The following GPC5 variants were observed in gnomAD, a reference collection of about 807,000 sequenced individuals.
GPC5 encodes glypican-5.
A neutral mutation model predicts 53.9 loss-of-function variants in GPC5; 47 were observed. The observed-to-expected ratio is 0.87, with a 90% CI of 0.69 to 1.11. GPC5 has a LOEUF of 1.11. GPC5 is among the 50% of genes most tolerant of loss of function. GPC5 has a pLI of 0.00. For synonymous variants in GPC5, 286 were observed against 263.3 expected, an observed-to-expected ratio of 1.09 and a Z score of -0.84; for missense variants, 748 against 713.1, an observed-to-expected ratio of 1.05 and a Z score of -0.56.
chr13:92,260,476 C>T (rs1191257560), intron 7 of GPC5, among the ~76,000 whole-genome samples: 3 of 152,184 alleles, frequency 2.0e-5, no homozygotes, highest in Admixed American at 6.5e-5. Context: ...TGTAGATCCG[C>T]ATCAGGCCCG....
At chr13:91,928,190 T>A (rs1183622658) in intron 6 of GPC5, among the ~76,000 whole-genome samples, 2 of 152,170 alleles carry the variant, frequency 1.3e-5, no homozygotes, top group Non-Finnish European at 2.9e-5. Context: ...TCTGCATGCA[T>A]CAGCCACTCT....
chr13:92,762,106 A>G (rs1875203333), intron 7 of GPC5, among the ~76,000 whole-genome samples: 1 of 152,130 alleles, frequency 6.6e-6, no homozygotes, highest in Non-Finnish European at 1.5e-5. Context: ...TTACTAGTAA[A>G]GGTAATTATA....
At chr13:91,797,290 T>A (rs1266699782) in intron 5 of GPC5, among the ~76,000 whole-genome samples, 2 of 152,186 alleles carry the variant, frequency 1.3e-5, no homozygotes, top group African/African-American at 4.8e-5. Flanking sequence ...TTGTGGCAAA[T>A]ACCGTGTTAA....
At chr13:91,476,961 T>C (rs1346050772) in intron 2 of GPC5, among the ~76,000 whole-genome samples, 1 of 152,156 alleles carries the variant, frequency 6.6e-6, no homozygotes, top group Non-Finnish European at 1.5e-5. Flanking sequence ...CAGAAAGCGA[T>C]GTTGGACCCC....
chr13:92,121,426 C>G (rs2041648236), intron 6 of GPC5, among the ~76,000 whole-genome samples: 1 of 152,186 alleles, frequency 6.6e-6, no homozygotes. Context: ...TGTCATTCAG[C>G]TATGTCTCAC....
intron 2 of GPC5, among the ~76,000 whole-genome samples, chr13:91,537,664 T>C (rs1227287253): frequency 6.6e-6 from 1 of 152,200 alleles, no homozygotes; most frequent in African/African-American, 2.4e-5. Flanking sequence ...TTCCAAAACA[T>C]TTGGTGAGGC....
chr13:92,780,909 A>G (rs1395134377), intron 7 of GPC5, among the ~76,000 whole-genome samples: 2 of 152,048 alleles, frequency 1.3e-5, no homozygotes, highest in Non-Finnish European at 1.5e-5. Flanking sequence ...TGATATTCAC[A>G]TTTTTATAAA....
intron 7 of GPC5, among the ~76,000 whole-genome samples, chr13:92,703,413 A>G (rs1887828527): frequency 6.6e-6 from 1 of 151,648 alleles, no homozygotes; most frequent in South Asian, 2.1e-4. Flanking sequence ...TTATTTAGAA[A>G]TAGGGAGATA....
chr13:92,796,182 A>G (rs1249488201), intron 7 of GPC5, among the ~76,000 whole-genome samples: 3 of 152,172 alleles, frequency 2.0e-5, no homozygotes, highest in Non-Finnish European at 4.4e-5. Flanking sequence ...TTATGCAACC[A>G]TAAAAAAGGA....
rs994823379 is a variant in GPC5 at position 92,107,780 on chromosome 13, A to G, written c.1402-37050A>G. ...AGAATAAAATGTAACACATTGACCA[A>G]ATGGTTTAATCAACTTCATTGCTCA... is the stretch of plus-strand genomic sequence containing the variant. On this transcript the variant is annotated intron_variant, in intron 6 of 7. Coordinates refer to ENST00000377067, the MANE Select transcript of GPC5 (RefSeq NM_004466.6). Among the ~76,000 whole-genome samples the G allele has an allele frequency of 5.3e-5, 8 of 152,134 alleles. No homozygotes were observed. The South Asian group carries it at 1.7e-3, about 31-fold the overall frequency.
At chr13:91,399,712 A>G (rs966139673) in intron 1 of GPC5, among the ~76,000 whole-genome samples, 5 of 152,102 alleles carry the variant, frequency 3.3e-5, no homozygotes, top group Admixed American at 6.5e-5. Context: ...TCTCCTCTGT[A>G]ATTAGGACTT....
chr13:91,958,666 A>G (rs1222133276), intron 6 of GPC5, among the ~76,000 whole-genome samples: 1 of 152,062 alleles, frequency 6.6e-6, no homozygotes, highest in Non-Finnish European at 1.5e-5. Context: ...AAAAATCAAA[A>G]TCCTACAGTA....
At chr13:92,257,107 T>TA (rs1417442145) in intron 7 of GPC5, among the ~76,000 whole-genome samples, 2 of 152,216 alleles carry the variant, frequency 1.3e-5, no homozygotes, top group South Asian at 2.1e-4. Context: ...AACTCAAATA[T>TA]AAAAAAATTT....
intron 6 of GPC5, among the ~76,000 whole-genome samples, chr13:92,130,756 G>A (rs1357648710): frequency 6.6e-6 from 1 of 151,958 alleles, no homozygotes; most frequent in African/African-American, 2.4e-5. Context: ...GCCAAATAGT[G>A]TTTAACTGTC....
chr13:92,586,966 GCACACACACACACGCA>G (rs1594325088), intron 7 of GPC5, among the ~76,000 whole-genome samples: 1 of 150,670 alleles, frequency 6.6e-6, no homozygotes, highest in Admixed American at 6.6e-5. Flanking sequence ...ACACACACGC[GCACACACACACACGCA>G]CACACACTAC....
chr13:92,197,363 T>C (rs1156552754), intron 7 of GPC5, among the ~76,000 whole-genome samples: 4 of 152,240 alleles, frequency 2.6e-5, no homozygotes, highest in African/African-American at 9.6e-5. Context: ...TACCTATCTA[T>C]ATCTTTATAA....
chr13:91,516,035 C>T (rs537418795), intron 2 of GPC5, among the ~76,000 whole-genome samples: 1 of 152,186 alleles, frequency 6.6e-6, no homozygotes, highest in African/African-American at 2.4e-5. Flanking sequence ...CCCCATGATT[C>T]AATACCTCCC....
chr13:92,006,828 T>G (rs1348782267), intron 6 of GPC5, among the ~76,000 whole-genome samples: 1 of 152,140 alleles, frequency 6.6e-6, no homozygotes, highest in South Asian at 2.1e-4. Flanking sequence ...TTTCATAGCT[T>G]ATAGATTTGG....
intron 7 of GPC5, among the ~76,000 whole-genome samples, chr13:92,573,459 T>C (rs542314467): frequency 1.3e-5 from 2 of 152,342 alleles, no homozygotes; most frequent in East Asian, 3.9e-4. Flanking sequence ...AATTATACAA[T>C]GTTTTTCCAA....
Sources: gnomAD v4.1 joint callset for allele counts (sites outside exome capture counted in the v4.1 genomes callset) on GRCh38, gnomAD v4.1.1 for gene constraint, MANE v1.5 for transcripts, NCBI Gene and HGNC (gene_info 2026-07-23, HGNC 2026-07-21) for gene names.